NUBPL: variants seen among roughly 807,000 people sequenced by gnomAD.
NUBPL encodes NUBP iron-sulfur cluster assembly factor, mitochondrial.
A neutral mutation model predicts 45.7 loss-of-function variants in NUBPL; 31 were observed. The ratio of observed to expected loss-of-function variants is 0.68; its 90% confidence interval spans 0.51 to 0.92. The LOEUF (loss-of-function observed/expected upper bound fraction) is 0.92, where lower values mean the gene tolerates loss of function less well. Among genes scored for constraint, NUBPL ranks in the 40% least tolerant of loss-of-function variants. NUBPL has a pLI of 0.00. For synonymous variants in NUBPL, 144 were observed against 140.9 expected (o/e 1.02, Z -0.15); for missense variants, 401 against 398.7 (o/e 1.01, Z -0.05).
rs370023719 is a variant in NUBPL at position 31,642,266 on chromosome 14, G to A, written c.383-31089G>A. The stretch of plus-strand genomic sequence containing the variant: ...TTTAAAGATCTTTGCCCAGACTAAC[G>A]TTCTGGAGCATTTACTTAATGTTTT... On this transcript the variant is annotated intron_variant, in intron 4 of 10. Transcript: ENST00000281081. 1.1e-4 allele frequency among the ~76,000 whole-genome samples: 16 copies of A among 152,206 alleles called. No individual in the cohort carries two copies. The South Asian group carries it at 1.7e-3, about 16-fold the overall frequency.
At chr14:31,644,678 T>C (rs1198644240) in intron 4 of NUBPL, among the ~76,000 whole-genome samples, 2 of 152,108 alleles carry the variant, frequency 1.3e-5, no homozygotes, top group East Asian at 3.9e-4. Context: ...TTTGGTCTAG[T>C]GTGCAGTTTA....
intron 10 of NUBPL, among the ~76,000 whole-genome samples, chr14:31,856,243 A>AT (rs992297131): frequency 6.6e-6 from 1 of 151,888 alleles, no homozygotes; most frequent in Non-Finnish European, 1.5e-5. Flanking sequence ...GTAGACTCCC[A>AT]TTTTTTTTAA....
intron 6 of NUBPL, among the ~76,000 whole-genome samples, chr14:31,696,397 C>T (rs1004682541): frequency 6.6e-5 from 10 of 152,148 alleles, no homozygotes; most frequent in South Asian, 2.1e-4. Context: ...TTCTCCCATT[C>T]GTTATATCAC....
intron 7 of NUBPL, among the ~76,000 whole-genome samples, chr14:31,802,358 C>G (rs2039607563): frequency 6.6e-6 from 1 of 151,824 alleles, no homozygotes; most frequent in Admixed American, 6.6e-5. Flanking sequence ...TCACTGCAGT[C>G]TCTGCCTCCT....
At chr14:31,705,642 GAC>G (rs2037433377) in intron 6 of NUBPL, among the ~76,000 whole-genome samples, 1 of 151,970 alleles carries the variant, frequency 6.6e-6, no homozygotes, top group Non-Finnish European at 1.5e-5. Context: ...CCTTTAGCTA[GAC>G]ACAGAGTGCT....
chr14:31,808,658 A>C (rs1479200459), intron 7 of NUBPL, among the ~76,000 whole-genome samples: 2 of 152,128 alleles, frequency 1.3e-5, no homozygotes, highest in Admixed American at 6.5e-5. Flanking sequence ...ACACTGTTGA[A>C]TAGGAGTGGC....
intron 8 of NUBPL, 42 bp downstream of exon 8, chr14:31,826,756 C>T: frequency 1.3e-6 from 2 of 1,537,752 alleles, no homozygotes; most frequent in Non-Finnish European, 1.8e-6. Context: ...TAAAACTCTT[C>T]TAACTGAAGA....
chr14:31,833,855 A>G (rs1263170932), intron 8 of NUBPL, among the ~76,000 whole-genome samples: 1 of 152,324 alleles, frequency 6.6e-6, no homozygotes, highest in South Asian at 2.1e-4. Flanking sequence ...ATTAGCTAAA[A>G]TCAGTCACAT....
chr14:31,826,774 C>A, intron 8 of NUBPL, 60 bp downstream of exon 8: 2 of 1,451,266 alleles, frequency 1.4e-6, no homozygotes, highest in South Asian at 2.3e-5. Context: ...AGAAGCAAGT[C>A]ATTGAAAAAT....
chr14:31,719,276 C>T (rs1375215173), intron 6 of NUBPL, among the ~76,000 whole-genome samples: 1 of 152,136 alleles, frequency 6.6e-6, no homozygotes, highest in Non-Finnish European at 1.5e-5. Context: ...AGTATAATTT[C>T]TACTGAATAT....
chr14:31,641,323 C>T (rs2035692182), intron 4 of NUBPL, among the ~76,000 whole-genome samples: 1 of 152,144 alleles, frequency 6.6e-6, no homozygotes, highest in African/African-American at 2.4e-5. Context: ...CTCCCTTACC[C>T]CCTTTTTTCA....
chr14:31,604,179 G>GAAA (rs34844125), intron 4 of NUBPL, among the ~76,000 whole-genome samples: 6 of 121,960 alleles, frequency 4.9e-5, no homozygotes, highest in African/African-American at 6.6e-5. Context: ...TGGAAAGGCT[G>GAAA]AAAAAAAAAA....
chr14:31,627,717 G>A (rs1450374066), intron 4 of NUBPL, among the ~76,000 whole-genome samples: 3 of 145,522 alleles, frequency 2.1e-5, no homozygotes, highest in Non-Finnish European at 4.5e-5. Context: ...AGTGAGCTGA[G>A]ATCGTGCCAC....
chr14:31,641,124 G>A (rs1470529737), intron 4 of NUBPL, among the ~76,000 whole-genome samples: 1 of 151,930 alleles, frequency 6.6e-6, no homozygotes, highest in Non-Finnish European at 1.5e-5. Context: ...GCTAATTTTT[G>A]TATTTTTAGT....
At chr14:31,631,089 C>T (rs2035330087) in intron 4 of NUBPL, among the ~76,000 whole-genome samples, 1 of 152,166 alleles carries the variant, frequency 6.6e-6, no homozygotes, top group East Asian at 1.9e-4. Flanking sequence ...TGGAAGCTGT[C>T]TCCAGGACAA....
chr14:31,561,474 G>T lies in NUBPL; in HGVS notation c.35G>T (p.Gly12Val). Residue 12 changes from glycine to valine, a missense_variant, in exon 1 of 11, where the codon GGG (glycine) becomes GTG (valine). By Grantham distance (109) the Gly-to-Val change is moderately radical. Coordinates refer to ENST00000281081, the MANE Select transcript of NUBPL (RefSeq NM_025152.3). Reference protein sequence around the residue: ...GIWQRLLLFGGVSLRAGGGAT... With the variant: ...GIWQRLLLFGVVSLRAGGGAT... ...TGGCAGCGTCTGCTGCTTTTTGGTG[G>T]GGTGTCGCTCCGGGCTGGTGGCGGG... 1 of 1,416,834 alleles carries T rather than the reference G, an allele frequency of 7.1e-7. No individual in the cohort carries two copies. Among genetic ancestry groups the T allele is most frequent in the Non-Finnish European group, 9.3e-7 (1 of 1,076,098 alleles). The allele number at this position is 1,416,834 out of a possible 1,614,324, so 87.8% of individuals were successfully genotyped here. A position where few individuals can be genotyped will look rare whatever the true frequency, so the allele number is the denominator to read the frequency against.
At chr14:31,846,191 A>G (rs1172275410) in intron 8 of NUBPL, 2 of 388,866 alleles carry the variant, frequency 5.1e-6, no homozygotes, top group Non-Finnish European at 9.7e-6. Flanking sequence ...ACAACTGTCT[A>G]TGGGAAACTC....
At chr14:31,742,580 C>T (rs1261760305) in intron 6 of NUBPL, among the ~76,000 whole-genome samples, 1 of 152,092 alleles carries the variant, frequency 6.6e-6, no homozygotes, top group Non-Finnish European at 1.5e-5. Context: ...TTCACATTGA[C>T]CTGTGCCATA....
chr14:31,736,585 C>G (rs1388097912), intron 6 of NUBPL, among the ~76,000 whole-genome samples: 1 of 152,110 alleles, frequency 6.6e-6, no homozygotes, highest in African/African-American at 2.4e-5. Context: ...GTATTATGTA[C>G]TACAAAATGT....
Sources: allele counts gnomAD v4.1 joint callset (sites outside exome capture counted in the v4.1 genomes callset), GRCh38; gene constraint gnomAD v4.1.1; transcripts MANE v1.5; gene names NCBI Gene and HGNC (gene_info 2026-07-23, HGNC 2026-07-21).